The following SYT16 variants were observed in gnomAD, a reference collection of about 807,000 sequenced individuals.
The protein encoded by SYT16 is synaptotagmin 16.
Under a neutral mutation model 61.4 loss-of-function variants are expected in SYT16, and 42 were observed. The observed-to-expected ratio is 0.68, with a 90% CI of 0.53 to 0.89. The LOEUF (loss-of-function observed/expected upper bound fraction) is 0.89, where lower values mean the gene tolerates loss of function less well. SYT16 is among the 40% of genes least tolerant of loss of function. SYT16 has a pLI of 0.00. For missense variants in SYT16, 804 were observed against 807.3 expected, an observed-to-expected ratio of 1.00 and a Z score of 0.05; for synonymous variants, 314 against 302.3, an observed-to-expected ratio of 1.04 and a Z score of -0.40.
intron 2 of SYT16, among the ~76,000 whole-genome samples, chr14:61,990,004 G>T (rs2052479632): frequency 6.6e-6 from 1 of 152,100 alleles, no homozygotes; most frequent in Non-Finnish European, 1.5e-5. Flanking sequence ...TTGTTGAGAT[G>T]CCAACGTTTA....
At chr14:61,900,458 G>A (rs2048473922) in intron 1 of SYT16, among the ~76,000 whole-genome samples, 3 of 152,084 alleles carry the variant, frequency 2.0e-5, no homozygotes, top group African/African-American at 4.8e-5. Flanking sequence ...GTGCCTGGCC[G>A]CTATTTTCTT....
intron 3 of SYT16, among the ~76,000 whole-genome samples, chr14:62,065,968 C>T (rs1164193448): frequency 2.0e-5 from 3 of 152,072 alleles, no homozygotes; most frequent in African/African-American, 4.8e-5. Flanking sequence ...CCTACTGTGG[C>T]GTTAGATGCA....
rs142378100 is a variant in SYT16 at position 62,042,617 on chromosome 14, A to T, written c.524-26986A>T. ...GCCCTGGGTACTGTTCCTGCCAATC[A>T]TTTCAAGTGGTTCTTTCCATGATTC... On this transcript the variant is annotated intron_variant, in intron 3 of 7. Coordinates refer to ENST00000683842, the MANE Select transcript of SYT16 (RefSeq NM_001367656.1). 3.8e-3 allele frequency among the ~76,000 whole-genome samples: 584 copies of T among 152,320 alleles called. 2 individuals are homozygous for T. The highest frequency in any genetic ancestry group is 0.013 in the African/African-American group (551 of 41,566).
At chr14:62,031,480 C>T (rs549508126) in intron 3 of SYT16, among the ~76,000 whole-genome samples, 5 of 152,210 alleles carry the variant, frequency 3.3e-5, no homozygotes, top group South Asian at 2.1e-4. Flanking sequence ...GTTGAACTTT[C>T]GGGCATCTTT....
intron 1 of SYT16, among the ~76,000 whole-genome samples, chr14:61,914,137 A>G (rs554149225): frequency 1.3e-5 from 2 of 152,222 alleles, no homozygotes; most frequent in East Asian, 3.9e-4. Context: ...TCAGTTTGGG[A>G]TAGCATTAAT....
intron 7 of SYT16, among the ~76,000 whole-genome samples, chr14:62,088,032 C>A (rs751109841): frequency 2.0e-5 from 3 of 152,126 alleles, no homozygotes; most frequent in African/African-American, 2.4e-5. Flanking sequence ...TAAAATGGAA[C>A]AACCACTTTG....
chr14:61,878,120 C>T (rs184280165), intron 1 of SYT16, among the ~76,000 whole-genome samples: 2 of 152,242 alleles, frequency 1.3e-5, no homozygotes, highest in East Asian at 3.9e-4. Flanking sequence ...TATTACAGTA[C>T]GCAGAGGCAA....
intron 2 of SYT16, among the ~76,000 whole-genome samples, chr14:61,977,744 T>C (rs4902091): frequency 0.59 from 89,698 of 151,978 alleles, 27,650 homozygotes; most frequent in East Asian, 0.78. Context: ...CACTACTTCA[T>C]AGCTTTGAAG....
chr14:62,000,098 GATTTTTT>G (rs1475239559), intron 3 of SYT16, among the ~76,000 whole-genome samples: 1 of 35,520 alleles, frequency 2.8e-5, no homozygotes, highest in Non-Finnish European at 4.4e-5. Context: ...TTTGTCTCTC[GATTTTTT>G]TTTTTTTTTT....
intron 3 of SYT16, among the ~76,000 whole-genome samples, chr14:62,051,631 T>C (rs1158052260): frequency 6.6e-6 from 1 of 152,238 alleles, no homozygotes. Context: ...TGTATTTTTC[T>C]TTTTAAAATT....
intron 5 of SYT16, among the ~76,000 whole-genome samples, chr14:62,076,899 G>C (rs1206058120): frequency 6.6e-6 from 1 of 152,124 alleles, no homozygotes; most frequent in African/African-American, 2.4e-5. Flanking sequence ...TTTAATAGAA[G>C]ACTCGGTATT....
At chr14:62,050,797 A>T (rs978638971) in intron 3 of SYT16, among the ~76,000 whole-genome samples, 2 of 151,984 alleles carry the variant, frequency 1.3e-5, no homozygotes, top group African/African-American at 4.8e-5. Flanking sequence ...GATGTTGGTG[A>T]ACCGCAAATG....
At chr14:62,100,361 C>A in intron 7 of SYT16, 33 bp from the exon 8 acceptor site, 2 of 1,517,322 alleles carry the variant, frequency 1.3e-6, no homozygotes, top group South Asian at 1.3e-5. Flanking sequence ...TGTTTCTTAT[C>A]ATCCCCACCC....
chr14:61,878,181 T>C (rs1425708320), intron 1 of SYT16, among the ~76,000 whole-genome samples: 4 of 152,206 alleles, frequency 2.6e-5, no homozygotes, highest in Non-Finnish European at 5.9e-5. Context: ...CTTCTTTTTA[T>C]CTTCACAAAG....
chr14:61,874,224 A>G (rs17834665), intron 1 of SYT16, among the ~76,000 whole-genome samples: 4,155 of 152,270 alleles, frequency 0.027, 111 homozygotes, highest in South Asian at 0.033. Flanking sequence ...GTGGAACTCT[A>G]TTAAGTGCAG....
At chr14:61,927,068 A>G (rs955223026) in intron 1 of SYT16, among the ~76,000 whole-genome samples, 2 of 152,222 alleles carry the variant, frequency 1.3e-5, no homozygotes, top group Non-Finnish European at 2.9e-5. Flanking sequence ...GTGGTCCTTC[A>G]TCCCACATAA....
intron 1 of SYT16, among the ~76,000 whole-genome samples, chr14:61,896,065 G>A (rs1185903606): frequency 6.6e-6 from 1 of 151,584 alleles, no homozygotes; most frequent in Admixed American, 6.6e-5. Flanking sequence ...TCAACTGGTC[G>A]CTTTGGAGCC....
rs148218314 is a variant in SYT16 at position 62,111,746 on chromosome 14, C to T, written c.*11039C>T. 1,030 of 152,044 alleles carry T rather than the reference C, an allele frequency of 6.8e-3. 13 individuals carry two copies. Among genetic ancestry groups the T allele is most frequent in the African/African-American group, 0.023 (964 of 41,500 alleles). 9.4% of individuals were successfully genotyped at this position (152,044 alleles called of 1,614,324 possible). ...TCCTCTAGTTTTCCAGTAGAGAATTCGTATGTGGTCCAGAGGTTCAAGAGA... is the reference window on the plus strand; with the variant it reads ...TCCTCTAGTTTTCCAGTAGAGAATTTGTATGTGGTCCAGAGGTTCAAGAGA... On this transcript the variant is annotated 3_prime_UTR_variant, in exon 8 of 8. Coordinates refer to ENST00000683842, the MANE Select transcript of SYT16 (RefSeq NM_001367656.1).
At position 61,853,072 on chromosome 14, in the gene SYT16, C is replaced by A. The variant is rs141107464; in HGVS notation, c.-325+40262C>A. ...TAGCTGGCATTACAGGCATCTGCCACCATGCCCAACTAATTTTTGTATTTT... is the reference window on the plus strand; with the variant it reads ...TAGCTGGCATTACAGGCATCTGCCAACATGCCCAACTAATTTTTGTATTTT... On this transcript the variant is annotated intron_variant, in intron 1 of 7. Transcript: ENST00000683842. Among the ~76,000 whole-genome samples the A allele has an allele frequency of 4.4e-3, 671 of 152,274 alleles. 8 individuals carry two copies. The highest frequency in any genetic ancestry group is 0.025 in the South Asian group (119 of 4,822).
Sources: gnomAD v4.1 joint callset for allele counts (sites outside exome capture counted in the v4.1 genomes callset) on GRCh38, gnomAD v4.1.1 for gene constraint, MANE v1.5 for transcripts, NCBI Gene and HGNC (gene_info 2026-07-23, HGNC 2026-07-21) for gene names.